CLEC16A: variants seen among roughly 807,000 people sequenced by gnomAD.
CLEC16A encodes C-type lectin domain containing 16A, also known as protein CLEC16A.
A neutral mutation model predicts 109.5 loss-of-function variants in CLEC16A; 51 were observed. That is an observed-to-expected ratio of 0.47 (90% CI 0.37 to 0.59). The LOEUF (loss-of-function observed/expected upper bound fraction) is 0.59. Ranked by LOEUF, CLEC16A falls within the 20% of genes least tolerant of loss-of-function variation. The probability of loss-of-function intolerance (pLI) is 0.00; values close to 1 mark genes in which losing one functional copy is unlikely to be tolerated. For synonymous variants in CLEC16A, 673 were observed against 564.2 expected (o/e 1.19, Z -2.73); for missense variants, 1,339 against 1,394.0 (o/e 0.96, Z 0.63).
intron 19 of CLEC16A, among the ~76,000 whole-genome samples, chr16:11,062,314 T>G (rs2048525315): frequency 6.6e-6 from 1 of 152,142 alleles, no homozygotes; most frequent in Admixed American, 6.5e-5. Context: ...TAAGATATAA[T>G]TTATATACAA....
At chr16:11,003,875 C>T (rs1397238631) in intron 11 of CLEC16A, among the ~76,000 whole-genome samples, 7 of 150,686 alleles carry the variant, frequency 4.6e-5, no homozygotes. Flanking sequence ...TGGCTCACAC[C>T]TTAATCCCAG....
chr16:11,055,171 G>A (rs930783183), intron 18 of CLEC16A, among the ~76,000 whole-genome samples: 8 of 152,150 alleles, frequency 5.3e-5, no homozygotes, highest in East Asian at 1.9e-4. Flanking sequence ...CTTCTGGACC[G>A]CTCTTTTTAC....
chr16:10,986,941 T>A (rs1450932855), intron 10 of CLEC16A, among the ~76,000 whole-genome samples: 1 of 151,838 alleles, frequency 6.6e-6, no homozygotes, highest in East Asian at 1.9e-4. Flanking sequence ...GCAACCTCTG[T>A]CTCCAGGGTT....
chr16:11,062,595 G>A (rs770360472), intron 19 of CLEC16A, among the ~76,000 whole-genome samples: 13 of 152,218 alleles, frequency 8.5e-5, no homozygotes, highest in African/African-American at 3.1e-4. Context: ...GAGGTCATGC[G>A]TGTGAAGAGC....
Position 11,120,597 on chromosome 16 carries a change from T to C in CLEC16A, c.2117-18T>C, listed in dbSNP as rs749175027. 6.2e-7 allele frequency: 1 copy of C among 1,600,452 alleles called. No homozygotes were observed. The highest frequency in any genetic ancestry group is 1.1e-5 in the South Asian group (1 of 88,690). ...AGCCAGACTGTGCCTCATTCTCTTC[T>C]CACCTTCCTCCTCCCAGATAACAGC... On this transcript the variant is annotated intron_variant, in intron 19 of 23. Transcript: ENST00000409790.
chr16:11,067,658 T>C (rs1361755837), intron 19 of CLEC16A, among the ~76,000 whole-genome samples: 1 of 152,186 alleles, frequency 6.6e-6, no homozygotes, highest in Non-Finnish European at 1.5e-5. Context: ...CAGATTTGTA[T>C]CTCAAAAGGC....
chr16:11,049,061 C>G (rs2047788693), intron 17 of CLEC16A, among the ~76,000 whole-genome samples: 1 of 151,634 alleles, frequency 6.6e-6, no homozygotes, highest in African/African-American at 2.4e-5. Context: ...GGCTGGAGTG[C>G]AAGTAGTGCG....
chr16:11,092,393 C>CAT (rs968334649), intron 19 of CLEC16A, among the ~76,000 whole-genome samples: 1 of 149,240 alleles, frequency 6.7e-6, no homozygotes, highest in Admixed American at 6.6e-5. Flanking sequence ...CACACACACA[C>CAT]ACACACACAT....
chr16:11,011,325 C>T (rs1052494725), intron 11 of CLEC16A, among the ~76,000 whole-genome samples: 2 of 151,510 alleles, frequency 1.3e-5, no homozygotes, highest in East Asian at 3.9e-4. Flanking sequence ...AGACCTTTCC[C>T]TTCTTCTCAT....
At chr16:10,980,869 T>C (rs1567536094) in intron 9 of CLEC16A, among the ~76,000 whole-genome samples, 1 of 152,214 alleles carries the variant, frequency 6.6e-6, no homozygotes, top group African/African-American at 2.4e-5. Flanking sequence ...CCTACTTCAA[T>C]ATAAAATCAT....
chr16:11,149,296 G>A (rs897668654), intron 22 of CLEC16A, among the ~76,000 whole-genome samples: 6 of 152,120 alleles, frequency 3.9e-5, no homozygotes, highest in Non-Finnish European at 7.4e-5. Context: ...CTGCAGACCC[G>A]TTGTATTAAT....
At chr16:11,019,508 C>T (rs959127167) in intron 11 of CLEC16A, among the ~76,000 whole-genome samples, 1 of 152,218 alleles carries the variant, frequency 6.6e-6, no homozygotes, top group Non-Finnish European at 1.5e-5. Flanking sequence ...GTGGCTGACG[C>T]CTGTAATCCC....
chr16:10,975,207 T>C (rs1440952802), intron 7 of CLEC16A, among the ~76,000 whole-genome samples: 1 of 152,102 alleles, frequency 6.6e-6, no homozygotes, highest in African/African-American at 2.4e-5. Flanking sequence ...TGCACCCCTG[T>C]AATCCCAGCT....
chr16:10,959,047 G>GTGTC (rs2042128866), intron 2 of CLEC16A, among the ~76,000 whole-genome samples: 1 of 151,556 alleles, frequency 6.6e-6, no homozygotes, highest in African/African-American at 2.4e-5. Context: ...GTGTGTGTGT[G>GTGTC]TGTGTCTGTA....
intron 19 of CLEC16A, among the ~76,000 whole-genome samples, chr16:11,102,592 T>G (rs2050983727): frequency 6.6e-6 from 1 of 152,206 alleles, no homozygotes; most frequent in Non-Finnish European, 1.5e-5. Flanking sequence ...AGGCATGTGG[T>G]TTAGTCCCAA....
chr16:11,115,792 C>T (rs2051944415), intron 19 of CLEC16A, among the ~76,000 whole-genome samples: 1 of 151,960 alleles, frequency 6.6e-6, no homozygotes, highest in African/African-American at 2.4e-5. Context: ...AGAGAATCAT[C>T]CAGTATGGAA....
chr16:11,114,799 T>C (rs2051859715), intron 19 of CLEC16A, among the ~76,000 whole-genome samples: 1 of 152,112 alleles, frequency 6.6e-6, no homozygotes, highest in Non-Finnish European at 1.5e-5. Flanking sequence ...AAACCCGCAA[T>C]TCCTTGATCT....
intron 12 of CLEC16A, among the ~76,000 whole-genome samples, chr16:11,021,206 T>G (rs2046079382): frequency 6.6e-6 from 1 of 152,238 alleles, no homozygotes; most frequent in African/African-American, 2.4e-5. Context: ...CACATCTTAT[T>G]TGTCTCTTTG....
At chr16:11,039,707 T>A in intron 13 of CLEC16A, 47 bp from the exon 14 acceptor site, 1 of 1,558,082 alleles carries the variant, frequency 6.4e-7, no homozygotes, top group South Asian at 1.2e-5. Flanking sequence ...TATGAGGAGG[T>A]CAGGTAGTCA....
Sources: gnomAD v4.1 joint callset for allele counts (sites outside exome capture counted in the v4.1 genomes callset) on GRCh38, gnomAD v4.1.1 for gene constraint, MANE v1.5 for transcripts, NCBI Gene and HGNC (gene_info 2026-07-23, HGNC 2026-07-21) for gene names.